CDK14: variants seen among roughly 807,000 people sequenced by gnomAD.
CDK14 encodes cyclin-dependent kinase 14.
In CDK14, 34 loss-of-function variants were observed where a neutral mutation model predicts 60.7. That is an observed-to-expected ratio of 0.56 (90% confidence interval 0.43 to 0.75). The LOEUF (loss-of-function observed/expected upper bound fraction) is 0.75, where lower values mean the gene tolerates loss of function less well. Ranked by LOEUF, CDK14 falls within the 30% of genes least tolerant of loss-of-function variation. CDK14 has a pLI of 0.00. For missense variants in CDK14, 482 were observed against 564.1 expected (o/e 0.85, Z 1.47); for synonymous variants, 197 against 203.7 (o/e 0.97, Z 0.28).
At chr7:90,967,211 G>A (rs1271146425) in intron 9 of CDK14, among the ~76,000 whole-genome samples, 1 of 151,310 alleles carries the variant, frequency 6.6e-6, no homozygotes, top group Non-Finnish European at 1.5e-5. Flanking sequence ...AGAAAGGAAG[G>A]AAGGAAAGCA....
intron 2 of CDK14, among the ~76,000 whole-genome samples, chr7:90,640,156 A>G (rs1028415666): frequency 2.0e-5 from 3 of 151,918 alleles, no homozygotes; most frequent in African/African-American, 4.8e-5. Context: ...GGCACTCCCT[A>G]TTGATATGAA....
At position 91,169,274 on chromosome 7, in the gene CDK14, G is replaced by A. The variant is rs146650034; in HGVS notation, c.*29-37891G>A. On this transcript the variant is annotated intron_variant, in intron 14 of 14. Transcript: ENST00000380050. ...ATCTGTGGTCTCCCAGCTCCCACTC[G>A]GCAGGAATTCTGAGATGTTGATGGA... 1.4e-3 allele frequency among the ~76,000 whole-genome samples: 208 copies of A among 152,166 alleles called. No individual in the cohort carries two copies. The Middle Eastern group carries it at 0.017, about 12-fold the overall frequency.
intron 2 of CDK14, among the ~76,000 whole-genome samples, chr7:90,642,074 A>G (rs1800351472): frequency 6.6e-6 from 1 of 152,226 alleles, no homozygotes; most frequent in South Asian, 2.1e-4. Flanking sequence ...CATGGGAATT[A>G]TGGGAGCTAC....
At chr7:91,098,539 GAAAT>G (rs898195738) in intron 12 of CDK14, among the ~76,000 whole-genome samples, 8 of 146,968 alleles carry the variant, frequency 5.4e-5, no homozygotes, top group Admixed American at 1.4e-4. Context: ...AAAAAAAAAA[GAAAT>G]AAAGGCAAAA....
chr7:90,706,098 CT>C (rs1458563824), intron 2 of CDK14, among the ~76,000 whole-genome samples: 2 of 151,980 alleles, frequency 1.3e-5, no homozygotes, highest in African/African-American at 4.8e-5. Context: ...TTTTACAAGC[CT>C]TTTTGTCTCT....
At position 90,596,559 on chromosome 7, in the gene CDK14, C is replaced by T. The variant is rs1307167055; in HGVS notation, c.-69C>T. On this transcript the variant is annotated 5_prime_UTR_variant, in exon 1 of 15. Transcript: ENST00000380050. ...GAGGCGCCGCTTTCCCCGCGGCGCGCGCCCTCGCCGTTGTCTGAGCTGTGC... is the reference window on the plus strand; with the variant it reads ...GAGGCGCCGCTTTCCCCGCGGCGCGTGCCCTCGCCGTTGTCTGAGCTGTGC... The T allele has an allele frequency of 1.1e-4, 154 of 1,349,334 alleles. No homozygotes were observed. The highest frequency in any genetic ancestry group is 1.5e-4 in the Non-Finnish European group (144 of 955,200). 83.6% of individuals were successfully genotyped at this position (1,349,334 alleles called of 1,614,324 possible).
chr7:90,755,285 TA>T (rs1804010747), intron 4 of CDK14, among the ~76,000 whole-genome samples: 1 of 152,144 alleles, frequency 6.6e-6, no homozygotes, highest in East Asian at 1.9e-4. Context: ...GCACAGCCAT[TA>T]AAAAGAATGA....
intron 2 of CDK14, among the ~76,000 whole-genome samples, chr7:90,689,490 A>G (rs1193292280): frequency 1.3e-5 from 2 of 152,274 alleles, no homozygotes; most frequent in African/African-American, 2.4e-5. Context: ...TGAATGAATG[A>G]AAATGAAAAT....
At chr7:90,877,218 T>C (rs1285431050) in intron 6 of CDK14, among the ~76,000 whole-genome samples, 1 of 152,244 alleles carries the variant, frequency 6.6e-6, no homozygotes, top group Non-Finnish European at 1.5e-5. Context: ...ATTCAGAATA[T>C]ATACACTTCA....
At chr7:91,040,499 G>A (rs1419658469) in intron 10 of CDK14, among the ~76,000 whole-genome samples, 1 of 152,212 alleles carries the variant, frequency 6.6e-6, no homozygotes, top group African/African-American at 2.4e-5. Flanking sequence ...GACTTTCAGA[G>A]TTGCAGCTTA....
At chr7:91,197,321 A>G (rs1332693589) in intron 14 of CDK14, among the ~76,000 whole-genome samples, 1 of 151,442 alleles carries the variant, frequency 6.6e-6, no homozygotes, top group Non-Finnish European at 1.5e-5. Flanking sequence ...AATCACGTGA[A>G]CCCAGGAGGC....
chr7:90,643,195 C>T (rs1158835971), intron 2 of CDK14, among the ~76,000 whole-genome samples: 4 of 152,202 alleles, frequency 2.6e-5, no homozygotes, highest in African/African-American at 9.6e-5. Flanking sequence ...GGTGCAATTA[C>T]ACACACAGCC....
chr7:90,628,005 G>A (rs1310868221), intron 2 of CDK14, among the ~76,000 whole-genome samples: 2 of 152,150 alleles, frequency 1.3e-5, no homozygotes, highest in East Asian at 3.9e-4. Context: ...CTAGTCCAGA[G>A]TACAAGTGGT....
intron 14 of CDK14, among the ~76,000 whole-genome samples, chr7:91,172,619 C>G (rs1801559804): frequency 6.6e-6 from 1 of 152,192 alleles, no homozygotes; most frequent in Non-Finnish European, 1.5e-5. Flanking sequence ...TGATCTGTCC[C>G]TGATTGCTCT....
chr7:90,971,820 G>A (rs1794942758), intron 9 of CDK14, among the ~76,000 whole-genome samples: 1 of 152,022 alleles, frequency 6.6e-6, no homozygotes, highest in African/African-American at 2.4e-5. Context: ...GGAACATAAG[G>A]AACATTTATG....
At chr7:90,813,457 G>T (rs1789219260) in intron 5 of CDK14, among the ~76,000 whole-genome samples, 1 of 152,180 alleles carries the variant, frequency 6.6e-6, no homozygotes, top group Non-Finnish European at 1.5e-5. Context: ...TAACAAAAAT[G>T]ACTGATCTGG....
chr7:91,147,145 C>G lies in CDK14; in HGVS notation c.*28+28937C>G, dbSNP rs75413589. On this transcript the variant is annotated intron_variant, in intron 14 of 14. Transcript: ENST00000380050. ...CCTCCACTAGCACCTCTCTCTGTCT[C>G]TCTCTCTCTCTCTCTCTCACACACA... Among the ~76,000 whole-genome samples, 230 of 88,422 alleles carry G rather than the reference C, an allele frequency of 2.6e-3. 1 individual carries two copies. In the East Asian group the frequency reaches 0.037, roughly 14 times the overall value. 58.0% of individuals were successfully genotyped at this position (88,422 alleles called of 152,430 possible).
intron 4 of CDK14, among the ~76,000 whole-genome samples, chr7:90,777,099 T>C (rs976383865): frequency 3.9e-5 from 6 of 152,224 alleles, no homozygotes; most frequent in Admixed American, 3.3e-4. Context: ...TGCAGAACAC[T>C]GTAGCTATTA....
intron 9 of CDK14, among the ~76,000 whole-genome samples, chr7:90,972,005 T>C (rs1387132247): frequency 1.3e-5 from 2 of 152,216 alleles, no homozygotes; most frequent in East Asian, 1.9e-4. Context: ...TCCTGTACTT[T>C]ATTTTTTACT....
Sources: gnomAD v4.1 joint callset for allele counts (sites outside exome capture counted in the v4.1 genomes callset) on GRCh38, gnomAD v4.1.1 for gene constraint, MANE v1.5 for transcripts, NCBI Gene and HGNC (gene_info 2026-07-23, HGNC 2026-07-21) for gene names.